Variants in EYS observed in about 807,000 individuals in gnomAD.
The protein encoded by EYS is protein eyes shut homolog.
EYS carries 250 observed loss-of-function variants against 282.1 expected under a neutral mutation model. That is an observed-to-expected ratio of 0.89 (90% CI 0.80 to 0.98). EYS has a LOEUF of 0.98. Among genes scored for constraint, EYS ranks in the 50% least tolerant of loss-of-function variants. The probability of loss-of-function intolerance (pLI) is 0.00; values close to 1 mark genes in which losing one functional copy is unlikely to be tolerated. For synonymous variants in EYS, 1,355 were observed against 1,282.9 expected, an observed-to-expected ratio of 1.06 and a Z score of -1.20; for missense variants, 4,016 against 3,709.0, an observed-to-expected ratio of 1.08 and a Z score of -2.15.
intron 11 of EYS, chr6:65,304,987 ATCGCC>A (rs1312181941): frequency 6.0e-6 from 1 of 167,892 alleles, no homozygotes; most frequent in Non-Finnish European, 1.1e-5. Flanking sequence ...TTAAAAAAAA[ATCGCC>A]AAAAAACTGG....
intron 19 of EYS, among the ~76,000 whole-genome samples, chr6:64,880,071 C>G (rs1170402731): frequency 6.6e-6 from 1 of 152,052 alleles, no homozygotes; most frequent in East Asian, 1.9e-4. Context: ...TTCCTAGTGT[C>G]ATTATAGAAT....
chr6:64,527,578 A>T lies in EYS; in HGVS notation c.5644+62645T>A, dbSNP rs2480753. 2.8e-3 allele frequency among the ~76,000 whole-genome samples: 420 copies of T among 151,954 alleles called. 4 individuals carry two copies. Among genetic ancestry groups the T allele is most frequent in the African/African-American group, 9.6e-3 (400 of 41,544 alleles). ...TGTTTTTCTTTCTCTAAAACAAAGC[A>T]ATGTTTTTGAACTATGGGTACAATT... is the stretch of plus-strand genomic sequence containing the variant. On this transcript the variant is annotated intron_variant, in intron 26 of 42. Coordinates refer to ENST00000503581, the MANE Select transcript of EYS (RefSeq NM_001142800.2).
intron 22 of EYS, among the ~76,000 whole-genome samples, chr6:64,785,805 G>T (rs891165558): frequency 3.3e-5 from 5 of 152,134 alleles, no homozygotes; most frequent in African/African-American, 7.2e-5. Context: ...TTTAAATAAA[G>T]TAGATAAAGT....
chr6:64,139,050 G>A (rs1339992925), intron 31 of EYS, among the ~76,000 whole-genome samples: 1 of 152,052 alleles, frequency 6.6e-6, no homozygotes, highest in Non-Finnish European at 1.5e-5. Context: ...TTGGCCTGGG[G>A]ATGGGAGTTC....
intron 8 of EYS, among the ~76,000 whole-genome samples, chr6:65,379,534 G>A (rs936055172): frequency 6.6e-6 from 1 of 152,016 alleles, no homozygotes; most frequent in African/African-American, 2.4e-5. Flanking sequence ...AAAGCTGAAA[G>A]CATTCCCTTT....
chr6:65,401,396 G>GTT (rs552217702), intron 7 of EYS, among the ~76,000 whole-genome samples: 1 of 134,914 alleles, frequency 7.4e-6, no homozygotes. Flanking sequence ...AGATGTATTT[G>GTT]TTTTTTTTTT....
rs188120291 is a variant in EYS at position 63,933,893 on chromosome 6, A to G, written c.7055+50490T>C. On this transcript the variant is annotated intron_variant, in intron 35 of 42. Coordinates refer to ENST00000503581, the MANE Select transcript of EYS (RefSeq NM_001142800.2). ...GGAGTAGACAGTCTTAATCATTTTA[A>G]TTAACAATCTACCTGCTTTTAAACT... Among the ~76,000 whole-genome samples the G allele has an allele frequency of 2.0e-5, 3 of 152,336 alleles. No homozygotes were observed. In the East Asian group the frequency reaches 5.8e-4, roughly 29 times the overall value.
At chr6:65,438,035 T>A (rs1192474383) in intron 5 of EYS, among the ~76,000 whole-genome samples, 2 of 124,496 alleles carry the variant, frequency 1.6e-5, no homozygotes, top group African/African-American at 3.1e-5. Flanking sequence ...GGCCTCAGTG[T>A]GTGATGTTCC....
At chr6:65,536,191 A>G (rs1404175300) in intron 2 of EYS, among the ~76,000 whole-genome samples, 1 of 152,096 alleles carries the variant, frequency 6.6e-6, no homozygotes, top group African/African-American at 2.4e-5. Context: ...GCATGGTGAT[A>G]GGAGAGATAC....
intron 1 of EYS, among the ~76,000 whole-genome samples, chr6:65,670,987 T>C (rs1768374029): frequency 1.3e-5 from 2 of 151,992 alleles, no homozygotes; most frequent in Non-Finnish European, 2.9e-5. Flanking sequence ...CAGAAATATG[T>C]CTTTTCAAAT....
chr6:65,189,114 T>A (rs1055290897), intron 12 of EYS, among the ~76,000 whole-genome samples: 12 of 151,664 alleles, frequency 7.9e-5, no homozygotes, highest in African/African-American at 2.9e-4. Flanking sequence ...CAATATAGCA[T>A]GTGCTTAAGA....
intron 22 of EYS, among the ~76,000 whole-genome samples, chr6:64,742,392 A>G (rs776817484): frequency 6.6e-6 from 1 of 152,206 alleles, no homozygotes; most frequent in Admixed American, 6.5e-5. Context: ...AATTTAAAAT[A>G]TAGTGAAAAT....
intron 31 of EYS, among the ~76,000 whole-genome samples, chr6:64,121,959 T>G (rs1475885168): frequency 6.6e-6 from 1 of 152,216 alleles, no homozygotes; most frequent in Non-Finnish European, 1.5e-5. Context: ...TTTTTTAATT[T>G]GAAATATTAA....
intron 34 of EYS, among the ~76,000 whole-genome samples, chr6:63,988,752 C>A (rs1582087806): frequency 6.6e-6 from 1 of 151,676 alleles, no homozygotes; most frequent in East Asian, 1.9e-4. Context: ...AAGGAGGAAT[C>A]ATGAAAATAA....
At chr6:63,725,129 A>G (rs1371345075) in intron 42 of EYS, among the ~76,000 whole-genome samples, 1 of 152,122 alleles carries the variant, frequency 6.6e-6, no homozygotes, top group Non-Finnish European at 1.5e-5. Context: ...AAAAATTTTC[A>G]TGATTTTCTT....
intron 8 of EYS, among the ~76,000 whole-genome samples, chr6:65,373,119 C>G (rs753515039): frequency 3.9e-5 from 6 of 152,148 alleles, no homozygotes; most frequent in African/African-American, 1.2e-4. Flanking sequence ...AACTGGCCAT[C>G]AAAACTCTGA....
chr6:65,471,229 CAA>C (rs527251318), intron 5 of EYS, among the ~76,000 whole-genome samples: 25 of 96,718 alleles, frequency 2.6e-4, no homozygotes, highest in African/African-American at 6.4e-4. Flanking sequence ...CTCATCTTTA[CAA>C]AAAAAAAAAA....
chr6:64,235,556 G>T (rs1019955799), intron 30 of EYS, among the ~76,000 whole-genome samples: 1 of 152,062 alleles, frequency 6.6e-6, no homozygotes, highest in African/African-American at 2.4e-5. Context: ...ATATATGTGT[G>T]CATGTGTCTT....
chr6:64,384,608 A>G (rs1445616169), intron 29 of EYS, among the ~76,000 whole-genome samples: 1 of 152,210 alleles, frequency 6.6e-6, no homozygotes, highest in Non-Finnish European at 1.5e-5. Flanking sequence ...ACTAGGAATT[A>G]AGATTTGGTG....
Sources: allele counts gnomAD v4.1 joint callset (sites outside exome capture counted in the v4.1 genomes callset), GRCh38; gene constraint gnomAD v4.1.1; transcripts MANE v1.5; gene names NCBI Gene and HGNC (gene_info 2026-07-23, HGNC 2026-07-21).